The following PAM variants were observed in gnomAD, a reference collection of about 807,000 sequenced individuals.
The protein encoded by PAM is peptidyl-glycine alpha-amidating monooxygenase.
PAM carries 72 observed loss-of-function variants against 122.1 expected under a neutral mutation model. That is an observed-to-expected ratio of 0.59 (90% CI 0.49 to 0.72). The LOEUF (loss-of-function observed/expected upper bound fraction) is 0.72. Ranked by LOEUF, PAM falls within the 30% of genes least tolerant of loss-of-function variation. PAM has a pLI of 0.00. For synonymous variants in PAM, 389 were observed against 404.4 expected (o/e 0.96, Z 0.46); for missense variants, 1,106 against 1,183.7 (o/e 0.93, Z 0.96).
chr5:102,814,415 C>T lies in PAM; in HGVS notation c.-373-51408C>T, dbSNP rs77840345. On this transcript the variant is annotated intron_variant, in intron 1 of 25. Coordinates refer to ENST00000438793, the MANE Select transcript of PAM (RefSeq NM_001177306.2). ...AAGCAATTACTATTGAATGCCCTCACGTGGGTGATGGTGCACTAAGTACAA... is the reference window on the plus strand; with the variant it reads ...AAGCAATTACTATTGAATGCCCTCATGTGGGTGATGGTGCACTAAGTACAA... 3.1e-3 allele frequency among the ~76,000 whole-genome samples: 474 copies of T among 152,030 alleles called. 3 individuals are homozygous for T. Among genetic ancestry groups the T allele is most frequent in the African/African-American group, 0.011 (454 of 41,512 alleles).
chr5:102,926,112 G>A (rs1442723070), intron 6 of PAM, among the ~76,000 whole-genome samples: 2 of 151,712 alleles, frequency 1.3e-5, no homozygotes, highest in East Asian at 1.9e-4. Context: ...TTTTGAGACG[G>A]AGTCTCGCTC....
chr5:103,025,027 C>T, intron 23 of PAM, 104 bp from the exon 24 acceptor site: 1 of 765,160 alleles, frequency 1.3e-6, no homozygotes, highest in Admixed American at 2.3e-5. Context: ...CTGGAGTCAA[C>T]AAGTTCTTTG....
intron 1 of PAM, among the ~76,000 whole-genome samples, chr5:102,811,277 C>A (rs1380490973): frequency 6.6e-6 from 1 of 152,228 alleles, no homozygotes; most frequent in Non-Finnish European, 1.5e-5. Context: ...ACTGAAACAT[C>A]AAGGTGTCAG....
intron 1 of PAM, among the ~76,000 whole-genome samples, chr5:102,777,530 T>G (rs1462763233): frequency 6.6e-6 from 1 of 152,030 alleles, no homozygotes; most frequent in African/African-American, 2.4e-5. Context: ...AAGTGGGAGT[T>G]TCTGGAAAAA....
chr5:102,811,970 A>T (rs767914035), intron 1 of PAM, among the ~76,000 whole-genome samples: 6 of 152,236 alleles, frequency 3.9e-5, no homozygotes, highest in Non-Finnish European at 5.9e-5. Flanking sequence ...TAATTAAACA[A>T]AACTGATTTG....
intron 3 of PAM, among the ~76,000 whole-genome samples, chr5:102,887,839 AACCTGGTAAAT>A (rs1247690171): frequency 6.6e-6 from 1 of 151,720 alleles, no homozygotes; most frequent in African/African-American, 2.4e-5. Flanking sequence ...CTCCCTGTTT[AACCTGGTAAAT>A]ACCTTCTCAT....
intron 14 of PAM, among the ~76,000 whole-genome samples, chr5:102,971,565 CTAGTTTAT>C (rs1333101505): frequency 6.6e-6 from 1 of 151,948 alleles, no homozygotes; most frequent in Non-Finnish European, 1.5e-5. Flanking sequence ...AGTTGAGGAG[CTAGTTTAT>C]TAGTGGGGAG....
At chr5:102,834,541 G>A (rs987077677) in intron 1 of PAM, among the ~76,000 whole-genome samples, 1 of 152,166 alleles carries the variant, frequency 6.6e-6, no homozygotes, top group African/African-American at 2.4e-5. Flanking sequence ...GGGATGCCAG[G>A]AGCCTGGGGA....
At chr5:102,899,429 C>G (rs1006074542) in intron 3 of PAM, among the ~76,000 whole-genome samples, 9 of 151,436 alleles carry the variant, frequency 5.9e-5, no homozygotes, top group Non-Finnish European at 8.9e-5. Flanking sequence ...AATGAGATAA[C>G]TTATAATAAA....
chr5:102,878,334 A>G lies in PAM; in HGVS notation c.210+10941A>G, dbSNP rs542350697. 9.6e-4 allele frequency among the ~76,000 whole-genome samples: 146 copies of G among 152,272 alleles called. 1 individual carries two copies. The highest frequency in any genetic ancestry group is 3.3e-3 in the African/African-American group (137 of 41,566). On this transcript the variant is annotated intron_variant, in intron 3 of 25. Coordinates refer to ENST00000438793, the MANE Select transcript of PAM (RefSeq NM_001177306.2). ...CTTCATCAGGAACATTTTTGTGGTG[A>G]TGCTGCTGTTAACAAACTTGCTGTA... is the stretch of plus-strand genomic sequence containing the variant.
In PAM at chr5:102,867,398, G is replaced by C; in HGVS notation, c.210+5G>C. ...CCTGGGGTTACACCTAAACAGGTGA[G>C]AGGAATTTTGTCTTTCATTATTCAC... On this transcript the variant is annotated splice_donor_5th_base_variant and intron_variant, in intron 3 of 25. Coordinates refer to ENST00000438793, the MANE Select transcript of PAM (RefSeq NM_001177306.2). 6.2e-7 allele frequency: 1 copy of C among 1,603,630 alleles called. No homozygotes were observed. The highest frequency in any genetic ancestry group is 8.5e-7 in the Non-Finnish European group (1 of 1,172,162).
intron 5 of PAM, 30 bp downstream of exon 5, chr5:102,914,051 G>T (rs376122884): frequency 2.4e-5 from 29 of 1,211,004 alleles, no homozygotes; most frequent in Non-Finnish European, 3.4e-5. Flanking sequence ...AGTATAGAAG[G>T]GTGTAGAAAA....
At position 103,019,802 on chromosome 5, in the gene PAM, G is replaced by C. The variant is rs759560994; in HGVS notation, c.2444G>C (p.Arg815Pro). The C allele has an allele frequency of 1.9e-6, 3 of 1,606,292 alleles. No homozygotes were observed. Among genetic ancestry groups the C allele is most frequent in the Non-Finnish European group, 1.7e-6 (2 of 1,173,246 alleles). The change falls in exon 23 of 26, where the codon CGA becomes CCA. Residue 815 changes from arginine (R) to proline (P), a missense_variant. Physicochemically the swap from Arg to Pro is moderately radical, Grantham distance 103 (BLOSUM62 -2). This residue lies in a region of PAM where 333 missense variants were observed against 335.6 expected (regional missense o/e 0.99). Transcript: ENST00000438793. ...TGTGTTGTTACAGAATTGGAACATC[G>C]ATCAGTTAAAAAGGCTGGCATTGAG... ...KFTLTEKLEHRSVKKAGIEVQ... is the reference protein window; with the variant it reads ...KFTLTEKLEHPSVKKAGIEVQ...
intron 1 of PAM, among the ~76,000 whole-genome samples, chr5:102,821,447 T>C (rs1470546965): frequency 5.3e-5 from 8 of 152,220 alleles, no homozygotes; most frequent in African/African-American, 1.9e-4. Context: ...AAACTATTTC[T>C]TTCTGGGCCA....
At chr5:102,813,466 A>G (rs983924202) in intron 1 of PAM, among the ~76,000 whole-genome samples, 2 of 152,320 alleles carry the variant, frequency 1.3e-5, no homozygotes, top group South Asian at 2.1e-4. Context: ...TAACTACTCC[A>G]AAGACATTGC....
chr5:102,765,693 G>A (rs1753706045), intron 1 of PAM, among the ~76,000 whole-genome samples: 1 of 152,198 alleles, frequency 6.6e-6, no homozygotes, highest in East Asian at 1.9e-4. Flanking sequence ...TATTGGCAGG[G>A]TTGGTTCTTT....
rs115045248 is a variant in PAM, at chr5:102,818,160, T to C, written c.-373-47663T>C. ...CACTTGTCAAATTTAACATAACATA[T>C]TGTTTTCTTATTAATTACATTTATT... On this transcript the variant is annotated intron_variant, in intron 1 of 25. Coordinates refer to ENST00000438793, the MANE Select transcript of PAM (RefSeq NM_001177306.2). Among the ~76,000 whole-genome samples, 911 of 148,886 alleles carry C rather than the reference T, an allele frequency of 6.1e-3. 12 individuals carry two copies. The highest frequency in any genetic ancestry group is 0.021 in the African/African-American group (855 of 40,710).
At chr5:102,904,815 ATAAC>A (rs1384966199) in intron 4 of PAM, among the ~76,000 whole-genome samples, 3 of 151,692 alleles carry the variant, frequency 2.0e-5, no homozygotes, top group African/African-American at 7.2e-5. Flanking sequence ...TTCGATTTGA[ATAAC>A]TCACTATTTT....
At chr5:102,855,077 T>C (rs1782283025) in intron 1 of PAM, among the ~76,000 whole-genome samples, 1 of 152,228 alleles carries the variant, frequency 6.6e-6, no homozygotes, top group African/African-American at 2.4e-5. Context: ...AAAATGTTTT[T>C]TTAAGCAACT....
Sources: allele counts gnomAD v4.1 joint callset (sites outside exome capture counted in the v4.1 genomes callset), GRCh38; gene constraint gnomAD v4.1.1; regional missense constraint gnomAD v4.1.1; transcripts MANE v1.5; gene names NCBI Gene and HGNC (gene_info 2026-07-23, HGNC 2026-07-21).